The following MYH14 variants were observed in gnomAD, a reference collection of about 807,000 sequenced individuals.
The protein encoded by MYH14 is myosin heavy chain 14, also known as myosin-14.
In MYH14, 123 loss-of-function variants were observed where a neutral mutation model predicts 255.5. That is an observed-to-expected ratio of 0.48 (90% CI 0.42 to 0.56). MYH14 has a LOEUF of 0.56. Among genes scored for constraint, MYH14 ranks in the 20% least tolerant of loss-of-function variants. The probability of loss-of-function intolerance (pLI) is 0.00; values close to 1 mark genes in which losing one functional copy is unlikely to be tolerated. For missense variants in MYH14, 2,423 were observed against 2,802.3 expected (o/e 0.86, Z 3.06); for synonymous variants, 1,095 against 1,161.2 (o/e 0.94, Z 1.16).
At chr19:50,271,090 A>G (rs929676771) in intron 24 of MYH14, among the ~76,000 whole-genome samples, 1 of 151,878 alleles carries the variant, frequency 6.6e-6, no homozygotes, top group Non-Finnish European at 1.5e-5. Flanking sequence ...TTTCAGAGGC[A>G]AGATCTCGCT....
chr19:50,264,891 G>T (rs139207472), intron 22 of MYH14, among the ~76,000 whole-genome samples: 1,586 of 152,310 alleles, frequency 0.01, 14 homozygotes, highest in Non-Finnish European at 0.015. Context: ...CAGGGACTAG[G>T]TGTTCCCCCA....
rs1439469593 is a variant in MYH14 at position 50,217,760 on chromosome 19, G to A, written c.551G>A (p.Ser184Asn). ...GCAGTGACCGAGGGGGCCTATCGGA[G>A]CATGCTGCAGGGTGAGTGCTGGGTG... The part of the protein sequence containing the change: ...VYAVTEGAYR[S>N]MLQDREDQSI... Residue 184 changes from serine to asparagine, a missense_variant, in exon 3 of 43, where the codon AGC becomes AAC. By Grantham distance (46) the Ser-to-Asn change is conservative. This residue lies in a region of MYH14 where 672 missense variants were observed against 881.8 expected (regional missense o/e 0.76). Transcript: ENST00000642316. 3 of 1,613,622 alleles carry A rather than the reference G, an allele frequency of 1.9e-6. No homozygotes were observed. The highest frequency in any genetic ancestry group is 2.7e-5 in the African/African-American group (2 of 75,072).
chr19:50,244,192 C>G, intron 10 of MYH14, 50 bp from the exon 11 acceptor site: 1 of 1,536,848 alleles, frequency 6.5e-7, no homozygotes, highest in Non-Finnish European at 9.0e-7. Context: ...CAGTTAAGAC[C>G]ACACATCGGG....
chr19:50,211,225 T>C (rs78923778), intron 2 of MYH14, among the ~76,000 whole-genome samples: 5,813 of 152,174 alleles, frequency 0.038, 118 homozygotes, highest in Middle Eastern at 0.054. Context: ...TCTCACCTTC[T>C]AGGAAGACTG....
chr19:50,279,633 C>CA (rs957837506), intron 30 of MYH14, among the ~76,000 whole-genome samples: 1 of 152,166 alleles, frequency 6.6e-6, no homozygotes, highest in Non-Finnish European at 1.5e-5. Flanking sequence ...AACTCTGTCT[C>CA]AAAAAAACCC....
rs1324906308 is a variant in MYH14 at position 50,252,466 on chromosome 19, G to A, written c.1831-173G>A. 6.6e-6 allele frequency among the ~76,000 whole-genome samples: 1 copy of A among 151,736 alleles called. No individual in the cohort carries two copies. The highest frequency in any genetic ancestry group is 1.9e-4 in the East Asian group (1 of 5,178). ...GCATAGAGGGGAAGGAGAGAGAGGG[G>A]ACCATGCTGGTGGGGTGCAGTTCAG... On this transcript the variant is annotated intron_variant, in intron 15 of 42. Transcript: ENST00000642316. This position sits in a 1 kb window ranked among gnomAD's most constrained non-coding sequence, Gnocchi z 4.2.
In MYH14 at chr19:50,301,736, G is replaced by A; in HGVS notation, c.5545G>A (p.Glu1849Lys). 6.2e-7 allele frequency: 1 copy of A among 1,613,962 alleles called. No individual in the cohort carries two copies. The highest frequency in any genetic ancestry group is 8.5e-7 in the Non-Finnish European group (1 of 1,179,870). Residue 1849 changes from glutamate to lysine, a missense_variant, in exon 40 of 43, where the codon GAA (glutamate) becomes AAA (lysine). This residue lies in a region of MYH14 where 1,513 missense variants were observed against 1,674.8 expected (regional missense o/e 0.90). Transcript: ENST00000642316. ...GGCAGAGAGCGGGCGGCAGCAGCTG[G>A]AACGGCAGATCCAGGAGCTACGGGG... is the stretch of plus-strand genomic sequence containing the variant. ...AKAESGRQQL[E>K]RQIQELRGRL...
In MYH14 at chr19:50,210,488, C is replaced by A; in HGVS notation, c.123C>A (p.Gly41=). 6 of 1,555,890 alleles carry A rather than the reference C, an allele frequency of 3.9e-6. No individual in the cohort carries two copies. Among genetic ancestry groups the A allele is most frequent in the South Asian group, 1.2e-5 (1 of 84,808 alleles). ...PRGPSAGGGP[G]SGTSPQVEWT... Reference sequence around the variant, plus strand: ...GGCCCAGCGCGGGTGGCGGGCCTGGCTCGGGCACCTCCCCGCAGGTGGAGT... The same window carrying A: ...GGCCCAGCGCGGGTGGCGGGCCTGGATCGGGCACCTCCCCGCAGGTGGAGT... Residue 41 remains glycine (G), a synonymous_variant, in exon 2 of 43, where the codon GGC becomes GGA. Transcript: ENST00000642316.
At chr19:50,234,224 T>A (rs2033551642) in intron 10 of MYH14, among the ~76,000 whole-genome samples, 1 of 152,182 alleles carries the variant, frequency 6.6e-6, no homozygotes, top group Non-Finnish European at 1.5e-5. Flanking sequence ...ATCCCCAACA[T>A]GCTTTTTAGG....
chr19:50,224,045 T>TTCCCCCCCCCCCCCCCCCACCCCCC, intron 5 of MYH14, 109 bp from the exon 6 acceptor site: 2 of 316,168 alleles, frequency 6.3e-6, no homozygotes, highest in South Asian at 7.1e-5. Flanking sequence ...CCAGTCCCCC[T>TTCCCCCCCCCCCCCCCCCACCCCCC]TCCCCCACCC....
chr19:50,300,978 A>C (rs2036461509), intron 39 of MYH14, among the ~76,000 whole-genome samples: 1 of 152,094 alleles, frequency 6.6e-6, no homozygotes, highest in African/African-American at 2.4e-5. Context: ...ACAAAGGAGA[A>C]TATGCTAATT....
chr19:50,244,704 C>A (rs148745616), intron 11 of MYH14, among the ~76,000 whole-genome samples: 1 of 152,044 alleles, frequency 6.6e-6, no homozygotes, highest in African/African-American at 2.4e-5. Flanking sequence ...AGGATGGTCT[C>A]GATCTCATGA....
In MYH14 at chr19:50,255,316, G is replaced by C. The variant is rs960217065; in HGVS notation, c.2042G>C (p.Gly681Ala). ...ERCSSAISPP[G>A]VEGIVGLEQV... ...TGCAGCTCTGCTATTTCTCCGCCAG[G>C]GGGTGGGTGTCTCTGTGCATCGATG... Residue 681 changes from glycine (G) to alanine (A), a missense_variant and splice_region_variant, in exon 17 of 43, where the codon GGG (glycine) becomes GCG (alanine). This residue lies in a region of MYH14 where 672 missense variants were observed against 881.8 expected (regional missense o/e 0.76). Coordinates refer to ENST00000642316, the MANE Select transcript of MYH14 (RefSeq NM_001145809.2). 7 of 1,550,558 alleles carry C rather than the reference G, an allele frequency of 4.5e-6. No homozygotes were observed. Among genetic ancestry groups the C allele is most frequent in the Non-Finnish European group, 5.2e-6 (6 of 1,146,600 alleles).
intron 2 of MYH14, 70 bp from the exon 3 acceptor site, chr19:50,217,545 C>T: frequency 6.3e-7 from 1 of 1,582,898 alleles, no homozygotes; most frequent in Non-Finnish European, 8.7e-7. Context: ...ACGGCCTGCT[C>T]AGCAGCCCCA....
At chr19:50,254,832 G>T (rs921587040) in intron 16 of MYH14, among the ~76,000 whole-genome samples, 5 of 152,338 alleles carry the variant, frequency 3.3e-5, no homozygotes, top group African/African-American at 1.2e-4. Context: ...AATGAGATTA[G>T]CTCTCCTCTG....
At chr19:50,296,980 T>C (rs2036288929) in intron 39 of MYH14, among the ~76,000 whole-genome samples, 1 of 64,754 alleles carries the variant, frequency 1.5e-5, no homozygotes, top group Non-Finnish European at 4.3e-5. Flanking sequence ...TTCTCTCTGT[T>C]TTTTTTTGTT....
intron 41 of MYH14, among the ~76,000 whole-genome samples, chr19:50,307,723 T>G (rs1347472672): frequency 2.0e-5 from 3 of 152,204 alleles, no homozygotes; most frequent in Non-Finnish European, 2.9e-5. Context: ...ATATTTGCAT[T>G]TCCTCACTAG....
At chr19:50,224,028 G>A (rs1222967588) in intron 5 of MYH14, 126 bp from the exon 6 acceptor site, 6 of 704,008 alleles carry the variant, frequency 8.5e-6, no homozygotes, top group East Asian at 8.2e-5. Flanking sequence ...CCACATGCCC[G>A]GTTTCCCCAG....
At chr19:50,299,985 CACAT>C (rs561435719) in intron 39 of MYH14, among the ~76,000 whole-genome samples, 130 of 152,110 alleles carry the variant, frequency 8.5e-4, no homozygotes, top group Non-Finnish European at 1.4e-3. Context: ...ACAACAAACC[CACAT>C]ACATCTACTT....
Sources: allele counts gnomAD v4.1 joint callset (sites outside exome capture counted in the v4.1 genomes callset), GRCh38; gene constraint gnomAD v4.1.1; regional missense constraint gnomAD v4.1.1; non-coding constraint Gnocchi (gnomAD v3.1); transcripts MANE v1.5; gene names NCBI Gene and HGNC (gene_info 2026-07-23, HGNC 2026-07-21).